The following XKR6 variants were observed in gnomAD, a reference collection of about 807,000 sequenced individuals.
XKR6 encodes the protein XK-related protein 6.
A neutral mutation model predicts 56.7 loss-of-function variants in XKR6; 22 were observed. That is an observed-to-expected ratio of 0.39 (90% CI 0.28 to 0.55). The LOEUF is 0.55. XKR6 is among the 20% of genes least tolerant of loss of function. The pLI, the probability that XKR6 is intolerant of heterozygous loss-of-function variation, is 0.66. For synonymous variants in XKR6, 524 were observed against 387.8 expected (o/e 1.35, Z -4.13); for missense variants, 852 against 889.0 (o/e 0.96, Z 0.53).
intron 1 of XKR6, among the ~76,000 whole-genome samples, chr8:10,959,564 G>C (rs1009775456): frequency 6.6e-6 from 1 of 152,136 alleles, no homozygotes; most frequent in African/African-American, 2.4e-5. Context: ...GTCCTCACGT[G>C]GTGGAGAGAG....
At chr8:11,132,919 T>C (rs1174688002) in intron 1 of XKR6, among the ~76,000 whole-genome samples, 2 of 151,020 alleles carry the variant, frequency 1.3e-5, no homozygotes, top group African/African-American at 4.9e-5. Context: ...AAGACAAAAG[T>C]TGCTTTTCAA....
chr8:11,038,767 C>A (rs1799211810), intron 1 of XKR6, among the ~76,000 whole-genome samples: 1 of 152,042 alleles, frequency 6.6e-6, no homozygotes, highest in South Asian at 2.1e-4. Context: ...TCAAGGACTT[C>A]TAGGCTCAAG....
intron 1 of XKR6, among the ~76,000 whole-genome samples, chr8:10,999,653 TG>T (rs1798194512): frequency 6.6e-6 from 1 of 152,216 alleles, no homozygotes; most frequent in Non-Finnish European, 1.5e-5. Flanking sequence ...TAAAAAAGGA[TG>T]TTCTGCAGAT....
rs944761260 is a variant in XKR6 at position 11,130,612 on chromosome 8, G to A, written c.764+69964C>T. Among the ~76,000 whole-genome samples the A allele has an allele frequency of 2.1e-5, 3 of 143,420 alleles. No homozygotes were observed. In the South Asian group the frequency reaches 6.7e-4, roughly 32 times the overall value. The allele number at this position is 143,420 out of a possible 152,430, so 94.1% of individuals were successfully genotyped here. On this transcript the variant is annotated intron_variant, in intron 1 of 2. Coordinates refer to ENST00000416569, the MANE Select transcript of XKR6 (RefSeq NM_173683.4). ...TAAGACGGCCTTTTCTCCCTCGCCG[G>A]TTTTTTTTTTTTTTAAGTTAACTAT...
chr8:11,164,296 C>T (rs770365571), intron 1 of XKR6, among the ~76,000 whole-genome samples: 9 of 152,216 alleles, frequency 5.9e-5, no homozygotes, highest in Non-Finnish European at 1.0e-4. Context: ...ATGCTAGGAA[C>T]GAGGTCAATT....
intron 1 of XKR6, among the ~76,000 whole-genome samples, chr8:11,136,105 C>T (rs982103157): frequency 6.6e-6 from 1 of 152,062 alleles, no homozygotes; most frequent in Middle Eastern, 3.2e-3. Flanking sequence ...CTAGTGCATC[C>T]CACCACCGGA....
chr8:11,175,725 T>A (rs1802623148), intron 1 of XKR6, among the ~76,000 whole-genome samples: 1 of 152,214 alleles, frequency 6.6e-6, no homozygotes, highest in African/African-American at 2.4e-5. Flanking sequence ...GAAGGCAGTA[T>A]ATGATTTTTA....
chr8:11,086,548 C>G (rs1797898724), intron 1 of XKR6, among the ~76,000 whole-genome samples: 1 of 152,214 alleles, frequency 6.6e-6, no homozygotes, highest in Non-Finnish European at 1.5e-5. Context: ...CACATGAAGG[C>G]AACCCTAGAC....
chr8:11,050,285 G>A (rs557281773), intron 1 of XKR6, among the ~76,000 whole-genome samples: 2 of 152,236 alleles, frequency 1.3e-5, no homozygotes, highest in East Asian at 1.9e-4. Flanking sequence ...CGTCGAGATC[G>A]CGGCTGATCT....
At chr8:11,115,945 C>A (rs1165775299) in intron 1 of XKR6, among the ~76,000 whole-genome samples, 3 of 152,166 alleles carry the variant, frequency 2.0e-5, no homozygotes, top group African/African-American at 7.2e-5. Context: ...CTCTGAAGTT[C>A]ATAGGTCTCA....
intron 1 of XKR6, among the ~76,000 whole-genome samples, chr8:11,150,640 G>A (rs563609248): frequency 3.4e-4 from 51 of 152,114 alleles, no homozygotes; most frequent in African/African-American, 1.1e-3. Context: ...ATCACCTGAG[G>A]TCAGTAGTTT....
At chr8:11,122,707 G>C (rs1799515650) in intron 1 of XKR6, among the ~76,000 whole-genome samples, 1 of 152,080 alleles carries the variant, frequency 6.6e-6, no homozygotes, top group African/African-American at 2.4e-5. Flanking sequence ...TCTCCTCATG[G>C]TCTGTTTACC....
At chr8:11,122,530 T>C (rs780046480) in intron 1 of XKR6, among the ~76,000 whole-genome samples, 7 of 152,344 alleles carry the variant, frequency 4.6e-5, no homozygotes, top group Middle Eastern at 3.4e-3. Context: ...TACTAGCCAA[T>C]GGGTGCGTAA....
At chr8:10,928,430 G>A (rs1191804552) in intron 1 of XKR6, among the ~76,000 whole-genome samples, 1 of 152,240 alleles carries the variant, frequency 6.6e-6, no homozygotes, top group East Asian at 1.9e-4. Context: ...GGTGGGGTGG[G>A]AGGAAGGCAT....
At chr8:11,126,054 GTTTTTGTTTTTTTT>G (rs1186924463) in intron 1 of XKR6, 1 of 151,268 alleles carries the variant, frequency 6.6e-6, no homozygotes, top group Admixed American at 6.6e-5. Flanking sequence ...TTTTTTGGTG[GTTTTTGTTTTTTTT>G]TTTTTGTTTT....
At chr8:10,995,095 T>C (rs1015846894) in intron 1 of XKR6, among the ~76,000 whole-genome samples, 4 of 152,196 alleles carry the variant, frequency 2.6e-5, no homozygotes, top group Non-Finnish European at 2.9e-5. Context: ...AGGTCAACAT[T>C]GCAAAAAGCC....
intron 1 of XKR6, among the ~76,000 whole-genome samples, chr8:11,047,268 T>C (rs60514110): frequency 0.035 from 5,300 of 152,284 alleles, 278 homozygotes; most frequent in African/African-American, 0.11. Context: ...CATTAATACA[T>C]AGTTTCCTTT....
At chr8:11,087,142 T>C (rs909502786) in intron 1 of XKR6, among the ~76,000 whole-genome samples, 1 of 152,238 alleles carries the variant, frequency 6.6e-6, no homozygotes, top group African/African-American at 2.4e-5. Context: ...TCTTCCTCTA[T>C]AGCTCACCTC....
At chr8:10,952,305 C>G (rs142846649) in intron 1 of XKR6, among the ~76,000 whole-genome samples, 13 of 152,310 alleles carry the variant, frequency 8.5e-5, no homozygotes, top group African/African-American at 3.1e-4. Flanking sequence ...GGCCCACTTA[C>G]CACCCACATC....
Sources: gnomAD v4.1 joint callset for allele counts (sites outside exome capture counted in the v4.1 genomes callset) on GRCh38, gnomAD v4.1.1 for gene constraint, MANE v1.5 for transcripts, NCBI Gene and HGNC (gene_info 2026-07-23, HGNC 2026-07-21) for gene names.